Variants in OR56A3 observed in about 807,000 individuals in gnomAD.
OR56A3 encodes the protein olfactory receptor family 56 subfamily A member 3, also known as olfactory receptor 56A3.
Under a neutral mutation model 17.5 loss-of-function variants are expected in OR56A3, and 23 were observed. The observed-to-expected ratio is 1.32, with a 90% CI of 0.95 to 1.87. The LOEUF (loss-of-function observed/expected upper bound fraction) is 1.87, where lower values mean the gene tolerates loss of function less well. Among genes scored for constraint, OR56A3 ranks in the 40% most tolerant of loss-of-function variants. OR56A3 has a pLI of 0.00. For missense variants in OR56A3, 366 were observed against 380.1 expected (o/e 0.96, Z 0.31); for synonymous variants, 175 against 150.6 (o/e 1.16, Z -1.19).
At chr11:5,972,876 C>T in the OR56A3 span, among the ~76,000 whole-genome samples, 1 of 152,176 alleles carries the variant, frequency 6.6e-6, no homozygotes, top group Non-Finnish European at 1.5e-5. Flanking sequence ...GGATTACAGG[C>T]ATGAGCCACC....
chr11:5,985,012 AT>A, the OR56A3 span, among the ~76,000 whole-genome samples: 3,824 of 152,288 alleles, frequency 0.025, 74 homozygotes, highest in Non-Finnish European at 0.037. Flanking sequence ...CCCAGTTCCT[AT>A]TAACAGAAAT....
the OR56A3 span, among the ~76,000 whole-genome samples, chr11:5,960,439 T>C: frequency 6.6e-6 from 1 of 152,248 alleles, no homozygotes; most frequent in African/African-American, 2.4e-5. Flanking sequence ...GTCGTATTTT[T>C]TGGTGGAGAC....
chr11:5,962,775 T>C, the OR56A3 span, among the ~76,000 whole-genome samples: 2 of 152,240 alleles, frequency 1.3e-5, no homozygotes, highest in Admixed American at 1.3e-4. Flanking sequence ...CCTGACCTCA[T>C]GATTCACCCG....
the OR56A3 span, among the ~76,000 whole-genome samples, chr11:6,010,354 G>C: frequency 0.36 from 55,212 of 151,976 alleles, 10,239 homozygotes; most frequent in African/African-American, 0.41. Context: ...CTCTTCAAAA[G>C]GTACATTGAA....
chr11:5,961,173 G>A, the OR56A3 span, among the ~76,000 whole-genome samples: 2 of 151,868 alleles, frequency 1.3e-5, no homozygotes, highest in East Asian at 3.9e-4. Context: ...TCTGGGAGGT[G>A]GGGGGCCCCT....
At chr11:5,998,814 A>C in the OR56A3 span, among the ~76,000 whole-genome samples, 1 of 152,214 alleles carries the variant, frequency 6.6e-6, no homozygotes, top group East Asian at 1.9e-4. Flanking sequence ...TGTGGTCATG[A>C]ATTACGAAGA....
rs563827718 is a variant in OR56A3, at chr11:5,942,355, A to T, written c.-333A>T. On this transcript the variant is annotated 5_prime_UTR_variant, in exon 1 of 3. Coordinates refer to ENST00000641160, the MANE Select transcript of OR56A3 (RefSeq NM_001003443.3). ...AAGTAGTCTGAGAAGGAAATAAATA[A>T]AGACTGCACCCTGTCTCAGGTAAAG... 1.6e-4 allele frequency: 25 copies of T among 152,272 alleles called. No homozygotes were observed. Among genetic ancestry groups the T allele is most frequent in the African/African-American group, 6.0e-4 (25 of 41,566 alleles). The allele number at this position is 152,272 out of a possible 1,614,324, so 9.4% of individuals were successfully genotyped here.
the OR56A3 span, among the ~76,000 whole-genome samples, chr11:5,989,590 T>G: frequency 6.6e-6 from 1 of 152,140 alleles, no homozygotes; most frequent in African/African-American, 2.4e-5. Context: ...AATGTTAATT[T>G]TTTAACTTAT....
At chr11:6,004,169 T>A in the OR56A3 span, among the ~76,000 whole-genome samples, 1 of 152,058 alleles carries the variant, frequency 6.6e-6, no homozygotes, top group Non-Finnish European at 1.5e-5. Context: ...CTGGCCAACA[T>A]AATGAAACCT....
chr11:5,976,902 T>G, the OR56A3 span, among the ~76,000 whole-genome samples: 1 of 152,152 alleles, frequency 6.6e-6, no homozygotes, highest in Non-Finnish European at 1.5e-5. Flanking sequence ...CCAGCGTCTA[T>G]TGTTCTCTTC....
chr11:5,962,576 G>A, the OR56A3 span, among the ~76,000 whole-genome samples: 11 of 146,668 alleles, frequency 7.5e-5, no homozygotes, highest in Admixed American at 2.7e-4. Context: ...CTGTCGCCCA[G>A]GCCAGACTGC....
chr11:5,958,553 G>A, the OR56A3 span, among the ~76,000 whole-genome samples: 3 of 152,114 alleles, frequency 2.0e-5, no homozygotes, highest in Non-Finnish European at 4.4e-5. Flanking sequence ...ATGTTTTGAA[G>A]TATATATGCA....
chr11:6,020,713 C>T, the OR56A3 span: 1 of 152,026 alleles, frequency 6.6e-6, no homozygotes, highest in Admixed American at 6.6e-5. Context: ...TGGGCCTAGA[C>T]TGTGGGGTTT....
chr11:5,945,859 A>G (rs1847866658), intron 2 of OR56A3, among the ~76,000 whole-genome samples: 1 of 152,246 alleles, frequency 6.6e-6, no homozygotes, highest in African/African-American at 2.4e-5. Flanking sequence ...ATTTTGTTAT[A>G]TTAGTGAGCC....
the OR56A3 span, chr11:6,016,891 A>T: frequency 1.3e-5 from 2 of 152,040 alleles, no homozygotes; most frequent in Non-Finnish European, 2.9e-5. Flanking sequence ...AACACAATAG[A>T]GTTTCAACAA....
the OR56A3 span, among the ~76,000 whole-genome samples, chr11:5,962,784 C>T: frequency 5.9e-5 from 9 of 152,020 alleles, no homozygotes; most frequent in South Asian, 4.1e-4. Context: ...ATGATTCACC[C>T]GCCTCGGCCT....
chr11:5,976,464 A>G, the OR56A3 span, among the ~76,000 whole-genome samples: 54 of 152,218 alleles, frequency 3.5e-4, no homozygotes, highest in African/African-American at 1.3e-3. Flanking sequence ...TAAAATCTAT[A>G]AATAAATTGG....
downstream of OR56A3, among the ~76,000 whole-genome samples, chr11:5,953,282 A>C (rs1422822561): frequency 6.6e-6 from 1 of 152,134 alleles, no homozygotes; most frequent in East Asian, 1.9e-4. Context: ...GCTTATATGC[A>C]TTTCCCTTTC....
Position 5,948,253 on chromosome 11 carries a change from A to C in OR56A3, c.907A>C (p.Ile303Leu). 6.2e-7 allele frequency: 1 copy of C among 1,614,186 alleles called. No homozygotes were observed. ...CATTTACGGGGTGAGAACCCAAGAA[A>C]TTAAGCAGGGAATGCAGAGGTTGTT... ...PIIYGVRTQEIKQGMQRLLKK... is the reference protein window; with the variant it reads ...PIIYGVRTQELKQGMQRLLKK... Residue 303 changes from isoleucine (I) to leucine (L), a missense_variant, in exon 3 of 3, where the codon ATT becomes CTT. By Grantham distance (5) the Ile-to-Leu change is conservative. Transcript: ENST00000641160.
Sources: allele counts gnomAD v4.1 joint callset (sites outside exome capture counted in the v4.1 genomes callset), GRCh38; gene constraint gnomAD v4.1.1; transcripts MANE v1.5; gene names NCBI Gene and HGNC (gene_info 2026-07-23, HGNC 2026-07-21).